SMIM13: variants seen among roughly 807,000 people sequenced by gnomAD.
SMIM13 encodes the protein UPF0766 protein C6orf228.
In SMIM13, 3 loss-of-function variants were observed where a neutral mutation model predicts 5.9. The observed-to-expected ratio is 0.51, with a 90% CI of 0.23 to 1.31. The LOEUF (loss-of-function observed/expected upper bound fraction) is 1.31. Ranked by LOEUF, SMIM13 falls within the 40% of genes most tolerant of loss-of-function variation. The probability of loss-of-function intolerance (pLI) is 0.18; values close to 1 mark genes in which losing one functional copy is unlikely to be tolerated. For synonymous variants in SMIM13, 55 were observed against 46.0 expected (o/e 1.19, Z -0.79); for missense variants, 85 against 109.9 (o/e 0.77, Z 1.01).
chr6:11,098,247 C>G (rs910190605), intron 1 of SMIM13, among the ~76,000 whole-genome samples: 1 of 152,198 alleles, frequency 6.6e-6, no homozygotes, highest in Non-Finnish European at 1.5e-5. Context: ...TGCTTTCTCA[C>G]CTCTCATTCA....
At position 11,103,704 on chromosome 6, in the gene SMIM13, G is replaced by A. The variant is rs147333339; in HGVS notation, c.76+9315G>A. 4,338 of 1,550,438 alleles carry A rather than the reference G, an allele frequency of 2.8e-3. 72 individuals carry two copies. Among genetic ancestry groups the A allele is most frequent in the Non-Finnish European group, 1.2e-3 (1,394 of 1,146,304 alleles). ...GTCTAGGGGTCCTCCTTAGAAGGGT[G>A]ACTCTTGAATATTGCGAGGATGGCG... On this transcript the variant is annotated intron_variant, in intron 1 of 1. Transcript: ENST00000416247.
chr6:11,110,008 A>G lies in SMIM13; in HGVS notation c.76+15619A>G, dbSNP rs1346525772. 2.0e-5 allele frequency among the ~76,000 whole-genome samples: 3 copies of G among 152,190 alleles called. No homozygotes were observed. The East Asian group carries it at 5.8e-4, about 29-fold the overall frequency. On this transcript the variant is annotated intron_variant, in intron 1 of 1. Coordinates refer to ENST00000416247, the MANE Select transcript of SMIM13 (RefSeq NM_001135575.2). ...CCCCATTCATTCTAGGGGTTCCAGA[A>G]TGAACCAGTGCTTACCAGGTACCCC...
chr6:11,094,727 T>C (rs557880580), intron 1 of SMIM13, among the ~76,000 whole-genome samples: 1 of 152,138 alleles, frequency 6.6e-6, no homozygotes, highest in African/African-American at 2.4e-5. Flanking sequence ...GTGAAGTGAT[T>C]GATTGGTCCT....
intron 1 of SMIM13, among the ~76,000 whole-genome samples, chr6:11,129,583 T>G (rs72825142): frequency 0.022 from 3,384 of 152,272 alleles, 53 homozygotes; most frequent in South Asian, 0.049. Context: ...GTAAATCTGT[T>G]TTTAGTTTTT....
intron 1 of SMIM13, among the ~76,000 whole-genome samples, chr6:11,132,148 A>C (rs1758457394): frequency 6.6e-6 from 1 of 152,230 alleles, no homozygotes; most frequent in African/African-American, 2.4e-5. Flanking sequence ...AAGATAACAG[A>C]TGGCTAATAA....
At position 11,104,770 on chromosome 6, in the gene SMIM13, G is replaced by A. The variant is rs201528012; in HGVS notation, c.76+10381G>A. On this transcript the variant is annotated intron_variant, in intron 1 of 1. Coordinates refer to ENST00000416247, the MANE Select transcript of SMIM13 (RefSeq NM_001135575.2). ...GATTTATCTAGCAAAGTTCCCTGAG[G>A]AAAAGTAATATTTGGAGGTTTGGGG... The A allele has an allele frequency of 3.7e-6, 6 of 1,614,198 alleles. No individual in the cohort carries two copies. The Admixed American group carries it at 6.7e-5, about 18-fold the overall frequency.
chr6:11,133,474 T>A (rs1758476340), intron 1 of SMIM13, among the ~76,000 whole-genome samples: 1 of 152,228 alleles, frequency 6.6e-6, no homozygotes, highest in South Asian at 2.1e-4. Context: ...AAAAGCTGGT[T>A]GTATTTTGTT....
At chr6:11,110,855 G>C (rs550592401) in intron 1 of SMIM13, among the ~76,000 whole-genome samples, 42 of 152,292 alleles carry the variant, frequency 2.8e-4, no homozygotes, top group Admixed American at 6.5e-4. Context: ...CCCCACAAAG[G>C]GGTGCTAACT....
chr6:11,124,246 G>A (rs1484032865), intron 1 of SMIM13, among the ~76,000 whole-genome samples: 1 of 152,152 alleles, frequency 6.6e-6, no homozygotes. Context: ...GTGAGAACAC[G>A]CAAAGTTTGT....
chr6:11,103,645 G>T, intron 1 of SMIM13: 1 of 1,491,520 alleles, frequency 6.7e-7, no homozygotes, highest in Non-Finnish European at 8.9e-7. Context: ...AGACGGGGCA[G>T]GATTTCGCCT....
intron 1 of SMIM13, among the ~76,000 whole-genome samples, chr6:11,128,828 A>G (rs1043690300): frequency 6.6e-6 from 1 of 152,068 alleles, no homozygotes; most frequent in African/African-American, 2.4e-5. Flanking sequence ...TTCAGTGCAG[A>G]GTCCCATAAT....
chr6:11,104,363 A>G, intron 1 of SMIM13: 1 of 1,551,744 alleles, frequency 6.4e-7, no homozygotes, highest in Non-Finnish European at 8.7e-7. Context: ...CTATGGTACA[A>G]GTTCCAGTCC....
intron 1 of SMIM13, among the ~76,000 whole-genome samples, chr6:11,113,538 TG>T (rs1368542358): frequency 1.3e-4 from 20 of 152,306 alleles, no homozygotes; most frequent in African/African-American, 4.8e-4. Context: ...TTATCAGATA[TG>T]TTTTGCAAGT....
intron 1 of SMIM13, among the ~76,000 whole-genome samples, chr6:11,133,095 G>T (rs1350529084): frequency 6.6e-6 from 1 of 152,134 alleles, no homozygotes; most frequent in Non-Finnish European, 1.5e-5. Flanking sequence ...TGAATATTCT[G>T]TCAGAACTGG....
chr6:11,133,954 A>G (rs965920885), intron 1 of SMIM13, among the ~76,000 whole-genome samples: 2 of 151,982 alleles, frequency 1.3e-5, no homozygotes, highest in African/African-American at 4.8e-5. Context: ...AGTAGTTTTC[A>G]TCATAGTGCA....
intron 1 of SMIM13, among the ~76,000 whole-genome samples, chr6:11,133,371 A>AT (rs879256817): frequency 1.4e-4 from 21 of 151,934 alleles, no homozygotes; most frequent in African/African-American, 4.8e-4. Flanking sequence ...GTTTATAGTA[A>AT]TTTTTTTTCC....
chr6:11,098,036 C>T (rs2065252614), intron 1 of SMIM13, among the ~76,000 whole-genome samples: 1 of 152,090 alleles, frequency 6.6e-6, no homozygotes. Context: ...GCTCTTTGGG[C>T]TGGGTCTCCT....
intron 1 of SMIM13, among the ~76,000 whole-genome samples, chr6:11,120,698 A>G (rs1417979869): frequency 6.6e-6 from 1 of 152,164 alleles, no homozygotes; most frequent in Non-Finnish European, 1.5e-5. Context: ...GAGAAATTTG[A>G]TACGCTGTTA....
intron 1 of SMIM13, chr6:11,105,115 T>C (rs761181553): frequency 1.2e-6 from 2 of 1,614,210 alleles, no homozygotes; most frequent in Non-Finnish European, 1.7e-6. Context: ...TCTATGCTTG[T>C]CCATTCTCTG....
Sources: allele counts gnomAD v4.1 joint callset (sites outside exome capture counted in the v4.1 genomes callset), GRCh38; gene constraint gnomAD v4.1.1; transcripts MANE v1.5; gene names NCBI Gene and HGNC (gene_info 2026-07-23, HGNC 2026-07-21).